Variants in NELL2 observed in about 807,000 individuals in gnomAD.
NELL2 encodes the protein protein kinase C-binding protein NELL2.
In NELL2, 41 loss-of-function variants were observed where a neutral mutation model predicts 109.6. The ratio of observed to expected loss-of-function variants is 0.37; its 90% confidence interval spans 0.29 to 0.49. The LOEUF (loss-of-function observed/expected upper bound fraction) is 0.49. Ranked by LOEUF, NELL2 falls within the 20% of genes least tolerant of loss-of-function variation. The pLI is 0.98. For missense variants in NELL2, 900 were observed against 1,008.3 expected, an observed-to-expected ratio of 0.89 and a Z score of 1.45; for synonymous variants, 355 against 344.7, an observed-to-expected ratio of 1.03 and a Z score of -0.33.
chr12:44,660,041 C>T (rs1244867460), intron 13 of NELL2, among the ~76,000 whole-genome samples: 2 of 151,976 alleles, frequency 1.3e-5, no homozygotes, highest in Non-Finnish European at 2.9e-5. Context: ...AAGCTAAAAT[C>T]CGGGTTTTGA....
chr12:44,774,705 T>C (rs765565856), intron 9 of NELL2, 42 bp downstream of exon 9: 1 of 1,513,936 alleles, frequency 6.6e-7, no homozygotes, highest in East Asian at 2.3e-5. Context: ...TACAGTGCTT[T>C]ATTTTTCCAA....
intron 3 of NELL2, among the ~76,000 whole-genome samples, chr12:44,800,936 C>CA (rs1179875038): frequency 6.6e-6 from 1 of 152,136 alleles, no homozygotes; most frequent in Non-Finnish European, 1.5e-5. Context: ...CATGGGTCAT[C>CA]ATGCCTCCCC....
chr12:44,831,739 C>T (rs189070963), intron 2 of NELL2, among the ~76,000 whole-genome samples: 551 of 152,268 alleles, frequency 3.6e-3, no homozygotes, highest in Non-Finnish European at 6.4e-3. Context: ...TTCTTTCAGA[C>T]TGGAATGTCC....
chr12:44,612,669 C>A (rs1347635609), intron 13 of NELL2, among the ~76,000 whole-genome samples: 1 of 151,940 alleles, frequency 6.6e-6, no homozygotes, highest in Non-Finnish European at 1.5e-5. Context: ...CAAAATAAAT[C>A]TACACTTTGA....
At chr12:44,721,437 T>C (rs949054541) in intron 9 of NELL2, among the ~76,000 whole-genome samples, 1 of 152,164 alleles carries the variant, frequency 6.6e-6, no homozygotes, top group African/African-American at 2.4e-5. Context: ...GAAGAAAGGT[T>C]TCATTACCAC....
intron 12 of NELL2, among the ~76,000 whole-genome samples, chr12:44,688,817 C>A (rs1372063995): frequency 6.6e-6 from 1 of 152,158 alleles, no homozygotes; most frequent in Non-Finnish European, 1.5e-5. Context: ...TGACTATGTA[C>A]AAGGAATGTG....
chr12:44,703,839 G>A lies in NELL2; in HGVS notation c.1205C>T (p.Ser402Phe). 5.0e-6 allele frequency: 8 copies of A among 1,611,370 alleles called. No individual in the cohort carries two copies. The highest frequency in any genetic ancestry group is 6.8e-6 in the Non-Finnish European group (8 of 1,178,930). Residue 402 changes from serine (S) to phenylalanine (F), a missense_variant, in exon 12 of 20, where the codon TCT becomes TTT. Coordinates refer to ENST00000429094, the MANE Select transcript of NELL2 (RefSeq NM_001145108.2). ...ATTCTCCATGCAGTTATGCCTTTCA[G>A]AACAAAAGTCATAACCTACAGAAAA... ...CKVCKGYDFC[S>F]ERHNCMENSI... is the part of the protein sequence containing the mutation.
chr12:44,780,345 T>C (rs1941912197), intron 3 of NELL2, among the ~76,000 whole-genome samples: 1 of 152,052 alleles, frequency 6.6e-6, no homozygotes. Flanking sequence ...CTGCTTTCTC[T>C]AGCTGAAGAA....
intron 16 of NELL2, among the ~76,000 whole-genome samples, chr12:44,528,019 G>A (rs1053847905): frequency 3.3e-5 from 5 of 150,352 alleles, no homozygotes; most frequent in East Asian, 2.0e-4. Flanking sequence ...GCGTGAACCG[G>A]GGAGGTGGAG....
At chr12:44,850,338 A>C (rs1944496894) in intron 2 of NELL2, among the ~76,000 whole-genome samples, 1 of 152,190 alleles carries the variant, frequency 6.6e-6, no homozygotes, top group African/African-American at 2.4e-5. Flanking sequence ...AAAAGGAATT[A>C]TCTGTGTAAA....
intron 1 of NELL2, among the ~76,000 whole-genome samples, chr12:44,897,212 G>C (rs1945602967): frequency 6.6e-6 from 1 of 152,054 alleles, no homozygotes; most frequent in Admixed American, 6.5e-5. Context: ...CGCAGAAACT[G>C]ATCATAACAT....
At chr12:44,848,478 G>A (rs867912027) in intron 2 of NELL2, among the ~76,000 whole-genome samples, 6 of 152,198 alleles carry the variant, frequency 3.9e-5, no homozygotes, top group Admixed American at 1.3e-4. Flanking sequence ...ACAGCAACAG[G>A]TGGGCAAAGG....
intron 9 of NELL2, among the ~76,000 whole-genome samples, chr12:44,770,334 T>C (rs941959613): frequency 6.6e-6 from 1 of 152,132 alleles, no homozygotes; most frequent in African/African-American, 2.4e-5. Flanking sequence ...CCCTATAAAG[T>C]AGATACAATT....
chr12:44,543,277 C>G (rs958634530), intron 15 of NELL2, among the ~76,000 whole-genome samples: 3 of 152,134 alleles, frequency 2.0e-5, no homozygotes, highest in Admixed American at 1.3e-4. Flanking sequence ...TTGTCTCATG[C>G]CTTTTATCCA....
intron 13 of NELL2, among the ~76,000 whole-genome samples, chr12:44,634,782 C>T (rs1000221496): frequency 6.6e-6 from 1 of 152,166 alleles, no homozygotes; most frequent in Non-Finnish European, 1.5e-5. Context: ...AATTTACACT[C>T]CCACGAACAG....
At chr12:44,669,208 C>A (rs1022569490) in intron 12 of NELL2, among the ~76,000 whole-genome samples, 4 of 152,172 alleles carry the variant, frequency 2.6e-5, no homozygotes, top group African/African-American at 4.8e-5. Flanking sequence ...AAGCATCTTA[C>A]TAAACCAACA....
At chr12:44,731,623 A>C (rs2136474349) in intron 9 of NELL2, among the ~76,000 whole-genome samples, 1 of 152,266 alleles carries the variant, frequency 6.6e-6, no homozygotes, top group South Asian at 2.1e-4. Flanking sequence ...ATACATGAAA[A>C]GCCCATAGCT....
intron 13 of NELL2, among the ~76,000 whole-genome samples, chr12:44,628,174 G>A (rs1182416938): frequency 6.6e-6 from 1 of 152,030 alleles, no homozygotes; most frequent in Non-Finnish European, 1.5e-5. Flanking sequence ...ATTCCATAAT[G>A]ACAAAAAAGG....
chr12:44,859,838 C>T (rs1362206145), intron 2 of NELL2, among the ~76,000 whole-genome samples: 1 of 152,170 alleles, frequency 6.6e-6, no homozygotes, highest in African/African-American at 2.4e-5. Context: ...AAGATTGCTC[C>T]AGGTCCTCCA....
Sources: allele counts gnomAD v4.1 joint callset (sites outside exome capture counted in the v4.1 genomes callset), GRCh38; gene constraint gnomAD v4.1.1; transcripts MANE v1.5; gene names NCBI Gene and HGNC (gene_info 2026-07-23, HGNC 2026-07-21).